The following DAGLA variants were observed in gnomAD, a reference collection of about 807,000 sequenced individuals.
DAGLA encodes the protein diacylglycerol lipase alpha, also known as diacylglycerol lipase-alpha.
In DAGLA, 22 loss-of-function variants were observed where a neutral mutation model predicts 102.6. That is an observed-to-expected ratio of 0.21 (90% CI 0.15 to 0.31). The LOEUF (loss-of-function observed/expected upper bound fraction) is 0.31. Ranked by LOEUF, DAGLA falls within the 10% of genes least tolerant of loss-of-function variation. DAGLA has a pLI of 1.00. For missense variants in DAGLA, 927 were observed against 1,446.6 expected (o/e 0.64, Z 5.83); for synonymous variants, 578 against 628.9 (o/e 0.92, Z 1.21).
chr11:61,724,713 CCCCAAAG>C (rs2065310167), intron 5 of DAGLA, among the ~76,000 whole-genome samples: 1 of 152,324 alleles, frequency 6.6e-6, no homozygotes, highest in South Asian at 2.1e-4. Context: ...GGAGCCAAGG[CCCCAAAG>C]CCCATATTCC....
chr11:61,713,443 A>T (rs899525805), intron 1 of DAGLA, among the ~76,000 whole-genome samples: 1 of 152,298 alleles, frequency 6.6e-6, no homozygotes, highest in Admixed American at 6.5e-5. Flanking sequence ...CCTTGTAGGC[A>T]ATTCATAAAT....
At chr11:61,733,312 C>T (rs2065392032) in intron 9 of DAGLA, among the ~76,000 whole-genome samples, 1 of 152,228 alleles carries the variant, frequency 6.6e-6, no homozygotes, top group South Asian at 2.1e-4. Context: ...CACAGGAGCT[C>T]AGCCCCTAGA....
intron 1 of DAGLA, among the ~76,000 whole-genome samples, chr11:61,717,212 C>T (rs1246599012): frequency 1.3e-5 from 2 of 152,192 alleles, no homozygotes; most frequent in Non-Finnish European, 2.9e-5. Context: ...GAAATCACAT[C>T]CCCAGCAGGG....
rs755902364 is a variant in DAGLA at position 61,739,659 on chromosome 11, C to T, written c.1851C>T (p.Cys617=). The T allele has an allele frequency of 1.2e-6, 2 of 1,613,314 alleles. No homozygotes were observed. The highest frequency in any genetic ancestry group is 4.5e-5 in the East Asian group (2 of 44,876). ...TCCACAACCACCCTGCAGAGCAGTGCTGGTAGGTTCTGCCAGGGTCTGCTG... is the reference window on the plus strand; with the variant it reads ...TCCACAACCACCCTGCAGAGCAGTGTTGGTAGGTTCTGCCAGGGTCTGCTG... ...HVVHNHPAEQ[C]CCCEQEEPTY... The change falls in exon 17 of 20, where the codon TGC becomes TGT. Residue 617 remains cysteine (C), a splice_region_variant and synonymous_variant. Transcript: ENST00000257215.
At chr11:61,737,388 C>G in intron 14 of DAGLA, 64 bp downstream of exon 14, 1 of 1,597,350 alleles carries the variant, frequency 6.3e-7, no homozygotes, top group Non-Finnish European at 8.5e-7. Context: ...TGAGGGTTGG[C>G]TGGTGCTAGG....
chr11:61,719,029 G>A (rs1253984388), intron 1 of DAGLA, among the ~76,000 whole-genome samples: 1 of 152,140 alleles, frequency 6.6e-6, no homozygotes, highest in African/African-American at 2.4e-5. Flanking sequence ...GGCCCCCGGC[G>A]GGGGACAGCT....
chr11:61,731,151 G>A (rs1004639819), intron 8 of DAGLA, among the ~76,000 whole-genome samples, 166 bp from the exon 9 acceptor site: 1 of 152,228 alleles, frequency 6.6e-6, no homozygotes, highest in Non-Finnish European at 1.5e-5. Context: ...ATCACCTGGA[G>A]GAGTGTCCTT....
At chr11:61,704,804 T>C (rs1479654395) in intron 1 of DAGLA, among the ~76,000 whole-genome samples, 1 of 152,148 alleles carries the variant, frequency 6.6e-6, no homozygotes, top group Non-Finnish European at 1.5e-5. Flanking sequence ...TAGGTTGAAT[T>C]AACTCTGAGA....
chr11:61,731,405 C>T lies in DAGLA; in HGVS notation c.938C>T (p.Pro313Leu). 3 of 1,614,020 alleles carry T rather than the reference C, an allele frequency of 1.9e-6. No homozygotes were observed. Among genetic ancestry groups the T allele is most frequent in the Non-Finnish European group, 2.5e-6 (3 of 1,180,030 alleles). ...YGWPMYLMRKPACGLCQLARS... is the reference protein window; with the variant it reads ...YGWPMYLMRKLACGLCQLARS... ...TGGCCCATGTACCTGATGCGGAAGC[C>T]CGCCTGCGGCCTCTGCCAACTGGCT... Residue 313 changes from proline (P) to leucine (L), a missense_variant, in exon 9 of 20, where the codon CCC becomes CTC. Around this residue, in one of 4 missense-constraint regions of DAGLA, gnomAD observed 44 missense variants for 44.0 expected, o/e 1.00. Coordinates refer to ENST00000257215, the MANE Select transcript of DAGLA (RefSeq NM_006133.3).
intron 19 of DAGLA, among the ~76,000 whole-genome samples, chr11:61,742,916 T>A (rs1016790521): frequency 2.6e-5 from 4 of 151,906 alleles, no homozygotes; most frequent in African/African-American, 9.7e-5. Context: ...CTCACATTGG[T>A]ACAATGACAG....
At chr11:61,716,668 C>T (rs183131935) in intron 1 of DAGLA, among the ~76,000 whole-genome samples, 2 of 152,316 alleles carry the variant, frequency 1.3e-5, no homozygotes, top group East Asian at 3.9e-4. Context: ...GGTTGCACCG[C>T]CTGTCGCTGC....
chr11:61,720,454 G>A (rs776830869), intron 2 of DAGLA, among the ~76,000 whole-genome samples: 33 of 152,130 alleles, frequency 2.2e-4, no homozygotes, highest in Non-Finnish European at 4.1e-4. Context: ...CCCAACACTG[G>A]GGGGAGTTGC....
rs548499223 is a variant in DAGLA at position 61,744,502 on chromosome 11, G to A, written c.*13G>A. On this transcript the variant is annotated 3_prime_UTR_variant, in exon 20 of 20. Coordinates refer to ENST00000257215, the MANE Select transcript of DAGLA (RefSeq NM_006133.3). ...CTCAGCACGCTAGCACCCCAGTTGC[G>A]TGGCCAGCCGGGCCCAGGCAGGAGC... 3.6e-5 allele frequency: 55 copies of A among 1,528,136 alleles called. No individual in the cohort carries two copies. The highest frequency in any genetic ancestry group is 5.5e-5 in the African/African-American group (4 of 72,442). 94.7% of individuals were successfully genotyped at this position (1,528,136 alleles called of 1,614,324 possible).
At chr11:61,714,883 GTC>G (rs1221773242) in intron 1 of DAGLA, among the ~76,000 whole-genome samples, 4 of 152,222 alleles carry the variant, frequency 2.6e-5, no homozygotes, top group Non-Finnish European at 2.9e-5. Context: ...GTGTCAGGCA[GTC>G]TCTGCATCTC....
rs767787932 is a variant in DAGLA, at chr11:61,744,537, TG to T, written c.*49del. Reference sequence around the variant, plus strand: ...GGGCCCAGGCAGGAGCAGGTGGCCCTGTGGGCACCTGGTGCCTGCCCCCTGC... The same window carrying T: ...GGGCCCAGGCAGGAGCAGGTGGCCCTTGGGCACCTGGTGCCTGCCCCCTGC... On this transcript the variant is annotated 3_prime_UTR_variant, in exon 20 of 20. Coordinates refer to ENST00000257215, the MANE Select transcript of DAGLA (RefSeq NM_006133.3). 3 of 1,458,900 alleles carry T rather than the reference TG, an allele frequency of 2.1e-6. No homozygotes were observed. The Admixed American group carries it at 6.8e-5, about 33-fold the overall frequency. The allele number at this position is 1,458,900 out of a possible 1,614,324, so 90.4% of individuals were successfully genotyped here.
intron 8 of DAGLA, among the ~76,000 whole-genome samples, chr11:61,729,396 G>A (rs1022024019): frequency 2.6e-5 from 4 of 152,138 alleles, no homozygotes; most frequent in East Asian, 1.9e-4. Flanking sequence ...ATCGCCTTTC[G>A]TAGAAATCCA....
intron 1 of DAGLA, among the ~76,000 whole-genome samples, chr11:61,705,477 G>C (rs2065141458): frequency 6.6e-6 from 1 of 152,162 alleles, no homozygotes; most frequent in Non-Finnish European, 1.5e-5. Context: ...TGCTGCCGAG[G>C]GTATCCTCCA....
In DAGLA at chr11:61,721,277, C is replaced by A. The variant is rs531946174; in HGVS notation, c.307+387C>A. Among the ~76,000 whole-genome samples the A allele has an allele frequency of 8.5e-5, 13 of 152,252 alleles. 1 individual carries two copies. The South Asian group carries it at 2.7e-3, about 32-fold the overall frequency. On this transcript the variant is annotated intron_variant, in intron 3 of 19. Transcript: ENST00000257215. ...GGTGTGGTGGCACACGCCTGTAATC[C>A]CAGCTACTTGGGAGGCTGACGCAGG...
At chr11:61,701,119 A>G (rs1447024139) in intron 1 of DAGLA, among the ~76,000 whole-genome samples, 7 of 152,220 alleles carry the variant, frequency 4.6e-5, no homozygotes, top group African/African-American at 1.7e-4. Context: ...TCCAGCCTGG[A>G]TTCTCTGACA....
Sources: allele counts gnomAD v4.1 joint callset (sites outside exome capture counted in the v4.1 genomes callset), GRCh38; gene constraint gnomAD v4.1.1; regional missense constraint gnomAD v4.1.1; transcripts MANE v1.5; gene names NCBI Gene and HGNC (gene_info 2026-07-23, HGNC 2026-07-21).